The following XYLT1 variants were observed in gnomAD, a reference collection of about 807,000 sequenced individuals.
XYLT1 encodes beta-D-xylosyltransferase 1.
Under a neutral mutation model 91.3 loss-of-function variants are expected in XYLT1, and 36 were observed. The observed-to-expected ratio is 0.39, with a 90% CI of 0.30 to 0.52. XYLT1 has a LOEUF of 0.52. Among genes scored for constraint, XYLT1 ranks in the 20% least tolerant of loss-of-function variants. The pLI is 0.68. For synonymous variants in XYLT1, 588 were observed against 532.0 expected (o/e 1.11, Z -1.45); for missense variants, 1,242 against 1,284.5 (o/e 0.97, Z 0.51).
rs549715409 is a variant in XYLT1, at chr16:17,312,744, C to T, written c.402+45268G>A. Among the ~76,000 whole-genome samples, 30 of 152,328 alleles carry T rather than the reference C, an allele frequency of 2.0e-4. No individual in the cohort carries two copies. In the South Asian group the frequency reaches 6.2e-3, roughly 32 times the overall value. ...CATTTTGCAGATGGGAAAACTGAAG[C>T]ACAGACAGAATAAAGACAGAATAAA... On this transcript the variant is annotated intron_variant, in intron 2 of 11. Coordinates refer to ENST00000261381, the MANE Select transcript of XYLT1 (RefSeq NM_022166.4). The surrounding 1 kb of genome is among the most constrained non-coding windows in gnomAD (Gnocchi z 4.4).
At chr16:17,386,618 A>T (rs546784536) in intron 1 of XYLT1, among the ~76,000 whole-genome samples, 1 of 139,736 alleles carries the variant, frequency 7.2e-6, no homozygotes, top group East Asian at 1.9e-4. Context: ...CATTTCAAGG[A>T]AGCTGATTCC....
At chr16:17,286,407 G>A (rs955491951) in intron 2 of XYLT1, among the ~76,000 whole-genome samples, 3 of 152,138 alleles carry the variant, frequency 2.0e-5, no homozygotes, top group Admixed American at 2.0e-4. Flanking sequence ...TCAAACCATG[G>A]ACTGACTCAC....
chr16:17,468,417 C>T (rs1407306053), intron 1 of XYLT1, among the ~76,000 whole-genome samples: 1 of 151,804 alleles, frequency 6.6e-6, no homozygotes, highest in African/African-American at 2.4e-5. Context: ...GAAATTGAGA[C>T]ATTAGGACAT....
intron 2 of XYLT1, among the ~76,000 whole-genome samples, chr16:17,296,358 A>AT (rs1430608366): frequency 3.9e-5 from 6 of 152,180 alleles, no homozygotes; most frequent in Admixed American, 1.3e-4. Flanking sequence ...TTCGCGGGTG[A>AT]TTTTTTTAGT....
rs2034569223 is a variant in XYLT1, at chr16:17,312,718, C to T, written c.402+45294G>A. Among the ~76,000 whole-genome samples the T allele has an allele frequency of 2.0e-5, 3 of 152,150 alleles. No individual in the cohort carries two copies. The highest frequency in any genetic ancestry group is 2.0e-4 in the Admixed American group (3 of 15,272). Reference sequence around the variant, plus strand: ...TAATCTTCACAGCAATCCTATTATCCCATTTTGCAGATGGGAAAACTGAAG... The same window carrying T: ...TAATCTTCACAGCAATCCTATTATCTCATTTTGCAGATGGGAAAACTGAAG... On this transcript the variant is annotated intron_variant, in intron 2 of 11. Transcript: ENST00000261381. The surrounding 1 kb of genome is among the most constrained non-coding windows in gnomAD (Gnocchi z 4.4).
At chr16:17,364,000 C>T (rs1320683490) in intron 1 of XYLT1, among the ~76,000 whole-genome samples, 1 of 152,174 alleles carries the variant, frequency 6.6e-6, no homozygotes, top group Non-Finnish European at 1.5e-5. Flanking sequence ...TTCTTATAAA[C>T]AAACCAGTCA....
intron 1 of XYLT1, among the ~76,000 whole-genome samples, chr16:17,409,144 G>A (rs1232676763): frequency 6.6e-6 from 1 of 152,200 alleles, no homozygotes; most frequent in Non-Finnish European, 1.5e-5. Context: ...CTGCCAAAGT[G>A]TACCAGAACC....
At chr16:17,302,317 T>A (rs1447109018) in intron 2 of XYLT1, among the ~76,000 whole-genome samples, 1 of 152,164 alleles carries the variant, frequency 6.6e-6, no homozygotes, top group African/African-American at 2.4e-5. Flanking sequence ...AGTATCAGCA[T>A]AAGATGTCGA....
chr16:17,110,776 G>A (rs563769822), intron 11 of XYLT1, among the ~76,000 whole-genome samples: 3 of 152,222 alleles, frequency 2.0e-5, no homozygotes, highest in South Asian at 2.1e-4. Flanking sequence ...ATCCAGGACC[G>A]ACTGACTCCA....
In XYLT1 at chr16:17,108,893, G is replaced by A. The variant is rs764602771; in HGVS notation, c.2682C>T (p.Asn894=). 29 of 1,610,620 alleles carry A rather than the reference G, an allele frequency of 1.8e-5. No homozygotes were observed. Among genetic ancestry groups the A allele is most frequent in the African/African-American group, 5.3e-5 (4 of 74,898 alleles). Residue 894 remains asparagine, a synonymous_variant, in exon 12 of 12, where the codon AAC becomes AAT. Transcript: ENST00000261381. ...NPAQVEQARR[N]AASTGTALEG... is the part of the protein sequence containing the mutation. ...CCAGCGCTGTGCCCGTGGAGGCTGC[G>A]TTCCTCCGTGCCTGTTCCACCTGGG...
chr16:17,388,792 C>A (rs2035780649), intron 1 of XYLT1, among the ~76,000 whole-genome samples: 1 of 152,142 alleles, frequency 6.6e-6, no homozygotes, highest in South Asian at 2.1e-4. Flanking sequence ...GAGAGTAGAT[C>A]AGAGAATGTT....
intron 1 of XYLT1, among the ~76,000 whole-genome samples, chr16:17,360,837 T>G (rs888920894): frequency 2.6e-5 from 4 of 152,204 alleles, no homozygotes; most frequent in African/African-American, 9.7e-5. Flanking sequence ...GAGGAAAGCC[T>G]CCTGGAGACC....
At chr16:17,196,253 A>C (rs1458583532) in intron 5 of XYLT1, among the ~76,000 whole-genome samples, 3 of 152,232 alleles carry the variant, frequency 2.0e-5, no homozygotes, top group Non-Finnish European at 1.5e-5. Flanking sequence ...TCTTCCTTCC[A>C]TGCTTGTACC....
chr16:17,262,293 G>C (rs1699261785), intron 2 of XYLT1, among the ~76,000 whole-genome samples: 1 of 152,202 alleles, frequency 6.6e-6, no homozygotes. Flanking sequence ...AGGCACTACT[G>C]TTCGCCCACC....
chr16:17,453,558 G>A (rs773507926), intron 1 of XYLT1, among the ~76,000 whole-genome samples: 1 of 152,168 alleles, frequency 6.6e-6, no homozygotes, highest in Non-Finnish European at 1.5e-5. Flanking sequence ...TGCTGACAAC[G>A]CACACTGAGG....
intron 1 of XYLT1, among the ~76,000 whole-genome samples, chr16:17,364,500 T>C (rs1596504379): frequency 6.6e-6 from 1 of 152,200 alleles, no homozygotes; most frequent in Admixed American, 6.5e-5. Context: ...TCCTCCAGGC[T>C]TACAAAGGCT....
intron 5 of XYLT1, among the ~76,000 whole-genome samples, chr16:17,195,133 T>C (rs76737049): frequency 6.6e-6 from 1 of 152,186 alleles, no homozygotes; most frequent in Non-Finnish European, 1.5e-5. Flanking sequence ...TCTGGAGACA[T>C]CTGTGGTTGG....
At chr16:17,207,225 A>AT (rs1457191655) in intron 3 of XYLT1, among the ~76,000 whole-genome samples, 4 of 151,364 alleles carry the variant, frequency 2.6e-5, no homozygotes, top group Admixed American at 2.0e-4. Flanking sequence ...GCCTGGCTAA[A>AT]TTTTTTGTAT....
At chr16:17,452,129 A>C (rs1219708332) in intron 1 of XYLT1, among the ~76,000 whole-genome samples, 1 of 152,134 alleles carries the variant, frequency 6.6e-6, no homozygotes, top group Non-Finnish European at 1.5e-5. Flanking sequence ...AGGAACCTAC[A>C]GCCTATTCAT....
Sources: allele counts gnomAD v4.1 joint callset (sites outside exome capture counted in the v4.1 genomes callset), GRCh38; gene constraint gnomAD v4.1.1; non-coding constraint Gnocchi (gnomAD v3.1); transcripts MANE v1.5; gene names NCBI Gene and HGNC (gene_info 2026-07-23, HGNC 2026-07-21).